The following ENTREP2 variants were observed in gnomAD, a reference collection of about 807,000 sequenced individuals.
ENTREP2 encodes endosomal transmembrane epsin interactor 2.
At chr15:29,133,451 C>T in the ENTREP2 span, among the ~76,000 whole-genome samples, 1 of 152,200 alleles carries the variant, frequency 6.6e-6, no homozygotes, top group Non-Finnish European at 1.5e-5. Context: ...ACCACAGCCA[C>T]ACCTGCGCTC....
the ENTREP2 span, chr15:29,570,481 C>T: frequency 7.8e-6 from 10 of 1,279,646 alleles, no homozygotes; most frequent in East Asian, 3.0e-4. Context: ...CGGAGCCCGT[C>T]CCCGCCTGGT....
At chr15:29,165,806 C>T in the ENTREP2 span, among the ~76,000 whole-genome samples, 1 of 152,140 alleles carries the variant, frequency 6.6e-6, no homozygotes, top group Non-Finnish European at 1.5e-5. Context: ...AAGGAACTCT[C>T]TCTAATTCAT....
At chr15:29,571,112 G>A in the ENTREP2 span, among the ~76,000 whole-genome samples, 2 of 151,260 alleles carry the variant, frequency 1.3e-5, no homozygotes, top group South Asian at 2.1e-4. Context: ...CAGCTGGGGC[G>A]GGAGCGGGAG....
chr15:29,381,132 C>G, the ENTREP2 span, among the ~76,000 whole-genome samples: 149,638 of 149,640 alleles, frequency 1, 74,818 homozygotes, highest in Non-Finnish European at 1. Flanking sequence ...TTACAGGCGT[C>G]AGCTGCGCCA....
the ENTREP2 span, among the ~76,000 whole-genome samples, chr15:29,473,270 C>T: frequency 2.6e-5 from 4 of 152,062 alleles, no homozygotes; most frequent in Non-Finnish European, 5.9e-5. Flanking sequence ...CTGACTAACC[C>T]GGGTAACCTG....
chr15:29,671,005 T>C, the ENTREP2 span, among the ~76,000 whole-genome samples: 2 of 152,196 alleles, frequency 1.3e-5, no homozygotes, highest in African/African-American at 4.8e-5. Context: ...GTTGGAACTT[T>C]CAGCCCCACT....
the ENTREP2 span, among the ~76,000 whole-genome samples, chr15:29,328,434 T>C: frequency 2.5e-3 from 379 of 152,290 alleles, 2 homozygotes; most frequent in African/African-American, 8.0e-3. Context: ...TTAAAAAGTA[T>C]TTAAAAGGTG....
the ENTREP2 span, among the ~76,000 whole-genome samples, chr15:29,482,050 T>C: frequency 6.6e-6 from 1 of 151,950 alleles, no homozygotes; most frequent in Non-Finnish European, 1.5e-5. Flanking sequence ...CAGGCTGGAG[T>C]ACAGTGGAAC....
the ENTREP2 span, among the ~76,000 whole-genome samples, chr15:29,256,281 A>G: frequency 1.3e-5 from 2 of 152,182 alleles, no homozygotes; most frequent in African/African-American, 2.4e-5. Flanking sequence ...CTTCAGCACC[A>G]TGCAACACAC....
At chr15:29,603,786 G>A in the ENTREP2 span, among the ~76,000 whole-genome samples, 1 of 152,100 alleles carries the variant, frequency 6.6e-6, no homozygotes, top group Non-Finnish European at 1.5e-5. Flanking sequence ...TTATAGGCAA[G>A]CACCACCACG....
the ENTREP2 span, among the ~76,000 whole-genome samples, chr15:29,141,276 T>A: frequency 9.9e-5 from 15 of 152,224 alleles, no homozygotes; most frequent in Non-Finnish European, 2.1e-4. Context: ...GGGCCCTGCC[T>A]GGGCACTGAG....
At chr15:29,546,001 G>T in the ENTREP2 span, among the ~76,000 whole-genome samples, 1 of 152,144 alleles carries the variant, frequency 6.6e-6, no homozygotes, top group Non-Finnish European at 1.5e-5. Flanking sequence ...TCACAAAGAG[G>T]TTCAACAACT....
chr15:29,362,603 G>A, the ENTREP2 span, among the ~76,000 whole-genome samples: 11 of 152,084 alleles, frequency 7.2e-5, no homozygotes, highest in South Asian at 2.3e-3. Context: ...TTGAACTCCT[G>A]AGCTCAGGCA....
At chr15:29,527,481 T>C in the ENTREP2 span, among the ~76,000 whole-genome samples, 1 of 152,204 alleles carries the variant, frequency 6.6e-6, no homozygotes, top group Non-Finnish European at 1.5e-5. Context: ...GTGTCCCTGT[T>C]GTAGGCTCAG....
At chr15:29,570,396 TG>T in the ENTREP2 span, 1 of 639,678 alleles carries the variant, frequency 1.6e-6, no homozygotes, top group Non-Finnish European at 2.2e-6. Flanking sequence ...GCCCCGGCGT[TG>T]GCCGCCGGAA....
At chr15:29,441,113 CA>C in the ENTREP2 span, among the ~76,000 whole-genome samples, 1 of 152,206 alleles carries the variant, frequency 6.6e-6, no homozygotes, top group African/African-American at 2.4e-5. Flanking sequence ...TCCATCCACA[CA>C]ATGGAGTGTT....
At chr15:29,244,616 G>C in the ENTREP2 span, among the ~76,000 whole-genome samples, 1 of 152,226 alleles carries the variant, frequency 6.6e-6, no homozygotes, top group African/African-American at 2.4e-5. Flanking sequence ...GAAGCAGCGT[G>C]GTGGCCTGCA....
At chr15:29,575,041 G>A in the ENTREP2 span, among the ~76,000 whole-genome samples, 4 of 152,206 alleles carry the variant, frequency 2.6e-5, no homozygotes, top group Non-Finnish European at 5.9e-5. Flanking sequence ...CAGCACGTGG[G>A]CTGCCTTTCT....
chr15:29,312,387 T>C, the ENTREP2 span, among the ~76,000 whole-genome samples: 1 of 151,974 alleles, frequency 6.6e-6, no homozygotes, highest in Non-Finnish European at 1.5e-5. Context: ...ATAATAAATA[T>C]AGGCATACCT....
Sources: gnomAD v4.1 joint callset for allele counts (sites outside exome capture counted in the v4.1 genomes callset) on GRCh38, gnomAD v4.1.1 for gene constraint, MANE v1.5 for transcripts, NCBI Gene and HGNC (gene_info 2026-07-23, HGNC 2026-07-21) for gene names.